ZBTB20: variants seen among roughly 807,000 people sequenced by gnomAD.
ZBTB20 encodes zinc finger and BTB domain containing 20, also known as zinc finger and BTB domain-containing protein 20.
In ZBTB20, 9 loss-of-function variants were observed where a neutral mutation model predicts 56.9. That is an observed-to-expected ratio of 0.16 (90% CI 0.10 to 0.28). The LOEUF is 0.28. ZBTB20 is among the 10% of genes least tolerant of loss of function. The pLI is 1.00. For synonymous variants in ZBTB20, 417 were observed against 420.7 expected (o/e 0.99, Z 0.11); for missense variants, 655 against 1,003.0 (o/e 0.65, Z 4.69).
At chr3:114,420,229 G>C (rs2089012480) in intron 7 of ZBTB20, among the ~76,000 whole-genome samples, 1 of 152,120 alleles carries the variant, frequency 6.6e-6, no homozygotes, top group South Asian at 2.1e-4. Context: ...GGAAGCCCAG[G>C]AGAGCTGGGG....
intron 2 of ZBTB20, among the ~76,000 whole-genome samples, chr3:115,007,699 A>G (rs1455251433): frequency 6.6e-6 from 1 of 151,856 alleles, no homozygotes; most frequent in Admixed American, 6.6e-5. Flanking sequence ...ATCTTTGAAG[A>G]GAGTTTTTAC....
Position 114,350,847 on chromosome 3 carries a change from G to T in ZBTB20, c.1231C>A (p.Gln411Lys). 5.0e-6 allele frequency: 8 copies of T among 1,611,794 alleles called. No individual in the cohort carries two copies. The highest frequency in any genetic ancestry group is 5.9e-6 in the Non-Finnish European group (7 of 1,180,020). Residue 411 changes from glutamine to lysine, a missense_variant, in exon 11 of 12, where the codon CAG (glutamine) becomes AAG (lysine). Physicochemically the swap from Gln to Lys is moderately conservative, Grantham distance 53. Coordinates refer to ENST00000675478, the MANE Select transcript of ZBTB20 (RefSeq NM_001348800.3). Reference sequence around the variant, plus strand: ...CCCTCAGCGGGGGCTTCTGCAGCCTGCTCGGGTTGGGTGGGTTCAGCCTGG... The same window carrying T: ...CCCTCAGCGGGGGCTTCTGCAGCCTTCTCGGGTTGGGTGGGTTCAGCCTGG... Reference protein sequence around the residue: ...DSQAEPTQPEQAAEAPAEGGP... With the variant: ...DSQAEPTQPEKAAEAPAEGGP...
At chr3:114,675,543 A>G (rs1447159807) in intron 6 of ZBTB20, among the ~76,000 whole-genome samples, 2 of 152,290 alleles carry the variant, frequency 1.3e-5, no homozygotes, top group Non-Finnish European at 2.9e-5. Flanking sequence ...TTTACTTGAC[A>G]TTACTATTTT....
At chr3:114,448,947 GTA>G (rs111281491) in intron 7 of ZBTB20, among the ~76,000 whole-genome samples, 1 of 152,040 alleles carries the variant, frequency 6.6e-6, no homozygotes, top group African/African-American at 2.4e-5. Context: ...GGGTGTGAAT[GTA>G]TATATATACC....
At chr3:114,997,800 G>A (rs1263128228) in intron 2 of ZBTB20, among the ~76,000 whole-genome samples, 3 of 151,674 alleles carry the variant, frequency 2.0e-5, no homozygotes, top group African/African-American at 7.3e-5. Flanking sequence ...GTCCCACCCA[G>A]CTGACCCAGG....
At chr3:114,761,878 G>T (rs915734194) in intron 5 of ZBTB20, among the ~76,000 whole-genome samples, 4 of 151,748 alleles carry the variant, frequency 2.6e-5, no homozygotes, top group Non-Finnish European at 5.9e-5. Context: ...TATGCTTAAT[G>T]TGCATAGCAC....
At chr3:114,676,629 C>T (rs998777141) in intron 6 of ZBTB20, among the ~76,000 whole-genome samples, 4 of 152,040 alleles carry the variant, frequency 2.6e-5, no homozygotes, top group Admixed American at 6.6e-5. Context: ...TTCATAACAA[C>T]TCTGTCAGGT....
chr3:114,872,073 T>A (rs1288736069), intron 4 of ZBTB20, among the ~76,000 whole-genome samples: 3 of 152,142 alleles, frequency 2.0e-5, no homozygotes, highest in Non-Finnish European at 2.9e-5. Flanking sequence ...TCAAATATTA[T>A]TTGCTCCATA....
chr3:114,536,389 T>C (rs2110072477), intron 6 of ZBTB20, among the ~76,000 whole-genome samples: 1 of 152,270 alleles, frequency 6.6e-6, no homozygotes, highest in African/African-American at 2.4e-5. Context: ...CCATTCATAA[T>C]TGCCATAAAG....
chr3:114,930,869 T>C (rs113264735), intron 3 of ZBTB20: 12 of 270,392 alleles, frequency 4.4e-5, no homozygotes, highest in African/African-American at 1.8e-4. Flanking sequence ...GGGGAGGCAG[T>C]AAATGTTACA....
At chr3:114,886,196 G>C (rs538743270) in intron 4 of ZBTB20, among the ~76,000 whole-genome samples, 1 of 152,364 alleles carries the variant, frequency 6.6e-6, no homozygotes, top group African/African-American at 2.4e-5. Context: ...GAGTTGAGCA[G>C]AGCTGAGTTT....
chr3:114,729,931 G>A (rs1177923915), intron 5 of ZBTB20, among the ~76,000 whole-genome samples: 3 of 150,144 alleles, frequency 2.0e-5, no homozygotes, highest in East Asian at 3.9e-4. Flanking sequence ...AGCCTCATGA[G>A]TAGCTGGGAT....
chr3:114,818,455 G>T (rs959182122), intron 4 of ZBTB20, among the ~76,000 whole-genome samples: 3 of 151,958 alleles, frequency 2.0e-5, no homozygotes, highest in Non-Finnish European at 4.4e-5. Context: ...AAGGGAAAGG[G>T]CTATGCATCT....
intron 6 of ZBTB20, among the ~76,000 whole-genome samples, chr3:114,653,508 G>A (rs1373262552): frequency 6.6e-6 from 1 of 151,770 alleles, no homozygotes; most frequent in Non-Finnish European, 1.5e-5. Flanking sequence ...ACTTTTTATT[G>A]TTGAAGTTTG....
intron 2 of ZBTB20, among the ~76,000 whole-genome samples, chr3:114,998,557 ACT>A (rs1450130671): frequency 6.6e-6 from 1 of 151,786 alleles, no homozygotes; most frequent in Non-Finnish European, 1.5e-5. Flanking sequence ...TATTTCAATA[ACT>A]AAGGTAAAGC....
chr3:114,925,437 G>A (rs770300696), intron 3 of ZBTB20, among the ~76,000 whole-genome samples: 15 of 152,092 alleles, frequency 9.9e-5, no homozygotes, highest in Non-Finnish European at 1.9e-4. Context: ...TTTTAAGATT[G>A]TCATCTGTTG....
intron 4 of ZBTB20, among the ~76,000 whole-genome samples, chr3:114,839,457 A>AAGAAAGAAAGAAAGAGAGAG (rs2074278500): frequency 1.3e-5 from 2 of 151,162 alleles, no homozygotes; most frequent in African/African-American, 4.9e-5. Flanking sequence ...GAAAGAAAGA[A>AAGAAAGAAAGAAAGAGAGAG]AGAAAGAAAG....
intron 7 of ZBTB20, among the ~76,000 whole-genome samples, chr3:114,470,794 G>A (rs752184386): frequency 2.6e-4 from 40 of 152,042 alleles, no homozygotes; most frequent in Non-Finnish European, 5.7e-4. Context: ...TTTTCTTTGT[G>A]TAATTGACCA....
rs1267282146 is a variant in ZBTB20 at position 114,337,367 on chromosome 3, G to T, written c.*1638C>A. 6.6e-6 allele frequency: 1 copy of T among 152,124 alleles called. No homozygotes were observed. Among genetic ancestry groups the T allele is most frequent in the Non-Finnish European group, 1.5e-5 (1 of 68,018 alleles). 9.4% of individuals were successfully genotyped at this position (152,124 alleles called of 1,614,324 possible). Reference sequence around the variant, plus strand: ...CTTCCTGGCTGATCACAAAAGAAAAGACCCCATTTATCAAGACTTCTAGAC... The same window carrying T: ...CTTCCTGGCTGATCACAAAAGAAAATACCCCATTTATCAAGACTTCTAGAC... On this transcript the variant is annotated 3_prime_UTR_variant, in exon 12 of 12. Coordinates refer to ENST00000675478, the MANE Select transcript of ZBTB20 (RefSeq NM_001348800.3).
Sources: allele counts gnomAD v4.1 joint callset (sites outside exome capture counted in the v4.1 genomes callset), GRCh38; gene constraint gnomAD v4.1.1; transcripts MANE v1.5; gene names NCBI Gene and HGNC (gene_info 2026-07-23, HGNC 2026-07-21).